The following EPHA6 variants were observed in gnomAD, a reference collection of about 807,000 sequenced individuals.
The protein encoded by EPHA6 is EPH receptor A6, also known as ephrin type-A receptor 6.
Under a neutral mutation model 112.0 loss-of-function variants are expected in EPHA6, and 50 were observed. That is an observed-to-expected ratio of 0.45 (90% confidence interval 0.36 to 0.56). The LOEUF is 0.56. EPHA6 is among the 20% of genes least tolerant of loss of function. EPHA6 has a pLI of 0.00. For missense variants in EPHA6, 1,280 were observed against 1,417.4 expected (o/e 0.90, Z 1.56); for synonymous variants, 529 against 490.7 (o/e 1.08, Z -1.03).
At chr3:97,522,400 A>G (rs1003456921) in intron 10 of EPHA6, among the ~76,000 whole-genome samples, 7 of 152,200 alleles carry the variant, frequency 4.6e-5, no homozygotes, top group African/African-American at 1.2e-4. Flanking sequence ...GATAAATTCC[A>G]GTTGATCATG....
chr3:97,170,652 G>T (rs916254200), intron 3 of EPHA6, among the ~76,000 whole-genome samples: 7 of 152,102 alleles, frequency 4.6e-5, no homozygotes, highest in African/African-American at 1.7e-4. Flanking sequence ...CAGGAGAATT[G>T]CCTGAGCCCA....
chr3:97,527,446 G>T (rs150907187), intron 10 of EPHA6, among the ~76,000 whole-genome samples: 1 of 151,774 alleles, frequency 6.6e-6, no homozygotes, highest in Non-Finnish European at 1.5e-5. Context: ...ATACAAGTGC[G>T]TGACCACCTA....
At chr3:97,402,459 TGCTTGTTTTTG>T (rs1472550386) in intron 5 of EPHA6, among the ~76,000 whole-genome samples, 1 of 152,128 alleles carries the variant, frequency 6.6e-6, no homozygotes, top group Non-Finnish European at 1.5e-5. Context: ...TAGCTATTCT[TGCTTGTTTTTG>T]GCTTGCATTT....
At chr3:97,512,540 AC>A (rs1340440043) in intron 10 of EPHA6, among the ~76,000 whole-genome samples, 1 of 152,118 alleles carries the variant, frequency 6.6e-6, no homozygotes, top group African/African-American at 2.4e-5. Flanking sequence ...GGCTATCTAA[AC>A]ACAAGCCCTC....
chr3:97,322,088 C>T (rs934766968), intron 5 of EPHA6, among the ~76,000 whole-genome samples: 2 of 151,988 alleles, frequency 1.3e-5, no homozygotes, highest in African/African-American at 4.8e-5. Context: ...CTTTCTCAAA[C>T]TACTGGTTTT....
chr3:97,147,407 C>T (rs1487601655), intron 3 of EPHA6, among the ~76,000 whole-genome samples: 1 of 151,960 alleles, frequency 6.6e-6, no homozygotes, highest in African/African-American at 2.4e-5. Context: ...TTAACTATGT[C>T]CTCCTGAGAG....
chr3:97,232,125 C>T (rs1273895246), intron 4 of EPHA6, among the ~76,000 whole-genome samples: 1 of 152,140 alleles, frequency 6.6e-6, no homozygotes, highest in Non-Finnish European at 1.5e-5. Context: ...GTGTGATTTT[C>T]TGAACCCCAA....
At chr3:97,062,195 T>C (rs1187107714) in intron 3 of EPHA6, among the ~76,000 whole-genome samples, 1 of 152,184 alleles carries the variant, frequency 6.6e-6, no homozygotes, top group African/African-American at 2.4e-5. Context: ...ATTGAAAATA[T>C]CACATTGATG....
At position 97,106,569 on chromosome 3, in the gene EPHA6, G is replaced by T. The variant is rs114978698; in HGVS notation, c.1114+118576G>T. 3.2e-3 allele frequency among the ~76,000 whole-genome samples: 485 copies of T among 152,104 alleles called. 5 individuals are homozygous for T. The highest frequency in any genetic ancestry group is 0.011 in the African/African-American group (469 of 41,482). On this transcript the variant is annotated intron_variant, in intron 3 of 17. Transcript: ENST00000389672. ...GAGAGCTACTTTTACTCAGTAAAACGTTGTACTCATTTTCCAAGCCCACTT... is the reference window on the plus strand; with the variant it reads ...GAGAGCTACTTTTACTCAGTAAAACTTTGTACTCATTTTCCAAGCCCACTT...
chr3:97,357,542 C>G (rs1397861765), intron 5 of EPHA6, among the ~76,000 whole-genome samples: 6 of 152,086 alleles, frequency 3.9e-5, no homozygotes, highest in African/African-American at 1.4e-4. Flanking sequence ...TCCATTCTGC[C>G]AATCTTTTTA....
intron 2 of EPHA6, among the ~76,000 whole-genome samples, chr3:96,958,522 A>G (rs1226509021): frequency 6.6e-6 from 1 of 152,176 alleles, no homozygotes; most frequent in African/African-American, 2.4e-5. Context: ...TATTGATTAC[A>G]ATAATAGTCA....
At chr3:97,687,814 CTTAGGTTCAGG>C in intron 14 of EPHA6, among the ~76,000 whole-genome samples, 1 of 152,300 alleles carries the variant, frequency 6.6e-6, no homozygotes, top group East Asian at 1.9e-4. Context: ...TAAAATGTCA[CTTAGGTTCAGG>C]TTTGCTCCAC....
rs1053271765 is a variant in EPHA6, at chr3:97,332,284, A to G, written c.1607-72866A>G. On this transcript the variant is annotated intron_variant, in intron 5 of 17. Transcript: ENST00000389672. ...AAAATAATAAGAGCTATCTATGACA[A>G]ACCCACAGCCAATATCATACTGAAT... Among the ~76,000 whole-genome samples, 8 of 152,046 alleles carry G rather than the reference A, an allele frequency of 5.3e-5. No homozygotes were observed. The East Asian group carries it at 7.7e-4, about 15-fold the overall frequency.
At chr3:97,610,721 G>T (rs1422873667) in intron 12 of EPHA6, 72 bp from the exon 13 acceptor site, 2 of 1,164,012 alleles carry the variant, frequency 1.7e-6, no homozygotes, top group East Asian at 2.4e-5. Flanking sequence ...TGCCACAGCT[G>T]GGTATCTCTT....
chr3:97,506,735 C>T (rs1417840447), intron 10 of EPHA6, among the ~76,000 whole-genome samples: 1 of 152,128 alleles, frequency 6.6e-6, no homozygotes, highest in Non-Finnish European at 1.5e-5. Flanking sequence ...ATGGGGATAA[C>T]ATTGAATCTA....
intron 2 of EPHA6, among the ~76,000 whole-genome samples, chr3:96,925,804 C>T (rs1168074199): frequency 1.3e-5 from 2 of 151,990 alleles, no homozygotes; most frequent in East Asian, 1.9e-4. Flanking sequence ...TGGGGTTTCA[C>T]CATGTTGTCC....
intron 10 of EPHA6, among the ~76,000 whole-genome samples, chr3:97,517,056 A>G (rs1355228835): frequency 6.6e-6 from 1 of 152,186 alleles, no homozygotes; most frequent in Non-Finnish European, 1.5e-5. Context: ...TGTCTTCATG[A>G]CTTAGATTAT....
intron 5 of EPHA6, among the ~76,000 whole-genome samples, chr3:97,349,957 CT>C (rs80163422): frequency 0.045 from 6,528 of 146,000 alleles, 402 homozygotes; most frequent in African/African-American, 0.14. Context: ...TCATGCTAAT[CT>C]TTTTTTTTTT....
chr3:96,917,068 AGTT>A (rs1471851782), intron 2 of EPHA6, among the ~76,000 whole-genome samples: 1 of 152,082 alleles, frequency 6.6e-6, no homozygotes, highest in Non-Finnish European at 1.5e-5. Flanking sequence ...ATCTTCTAAC[AGTT>A]TTTTTCCATA....
Sources: gnomAD v4.1 joint callset for allele counts (sites outside exome capture counted in the v4.1 genomes callset) on GRCh38, gnomAD v4.1.1 for gene constraint, MANE v1.5 for transcripts, NCBI Gene and HGNC (gene_info 2026-07-23, HGNC 2026-07-21) for gene names.